The following PSD3 variants were observed in gnomAD, a reference collection of about 807,000 sequenced individuals.
PSD3 encodes the protein PH and SEC7 domain-containing protein 3.
Under a neutral mutation model 105.5 loss-of-function variants are expected in PSD3, and 49 were observed. The observed-to-expected ratio is 0.46, with a 90% confidence interval of 0.37 to 0.59. The LOEUF (loss-of-function observed/expected upper bound fraction) is 0.59. Among genes scored for constraint, PSD3 ranks in the 20% least tolerant of loss-of-function variants. PSD3 has a pLI of 0.00. For missense variants in PSD3, 1,561 were observed against 1,263.8 expected (o/e 1.24, Z -3.57); for synonymous variants, 557 against 457.8 (o/e 1.22, Z -2.77).
rs1263901552 is a variant in PSD3 at position 18,794,909 on chromosome 8, C to A, written c.2082+4386G>T. Among the ~76,000 whole-genome samples the A allele has an allele frequency of 2.8e-4, 4 of 14,400 alleles. 2 individuals are homozygous for A. The highest frequency in any genetic ancestry group is 1.7e-3 in the Non-Finnish European group (4 of 2,396). The allele number at this position is 14,400 out of a possible 152,430, so 9.4% of individuals were successfully genotyped here. ...CCCACAGGTGTGTAGGGGCAACCCA[C>A]CCCTACATGAAGCATTAAATTTTTA... is the stretch of plus-strand genomic sequence containing the variant. On this transcript the variant is annotated intron_variant, in intron 8 of 15. Transcript: ENST00000327040.
At chr8:18,901,038 T>C (rs1281556449) in intron 2 of PSD3, among the ~76,000 whole-genome samples, 1 of 152,218 alleles carries the variant, frequency 6.6e-6, no homozygotes, top group African/African-American at 2.4e-5. Flanking sequence ...TGGCACCATG[T>C]ACAGTCTGGT....
chr8:18,929,894 T>C (rs760624750), intron 2 of PSD3, among the ~76,000 whole-genome samples: 8 of 151,966 alleles, frequency 5.3e-5, no homozygotes, highest in Non-Finnish European at 7.4e-5. Context: ...GCAATGAAAA[T>C]TGAGTGACCA....
In PSD3 at chr8:18,692,625, T is replaced by A. The variant is rs923049356; in HGVS notation, c.2173-36940A>T. Reference sequence around the variant, plus strand: ...GGCTTTTTTAAAGATGATGAAAAGCTATCAAAGGGACTTTAAAAAGTAGTA... The same window carrying A: ...GGCTTTTTTAAAGATGATGAAAAGCAATCAAAGGGACTTTAAAAAGTAGTA... On this transcript the variant is annotated intron_variant, in intron 9 of 15. Coordinates refer to ENST00000327040, the MANE Select transcript of PSD3 (RefSeq NM_015310.4). Among the ~76,000 whole-genome samples the A allele has an allele frequency of 2.6e-5, 4 of 152,180 alleles. No individual in the cohort carries two copies. In the East Asian group the frequency reaches 5.8e-4, roughly 22 times the overall value.
intron 1 of PSD3, among the ~76,000 whole-genome samples, chr8:18,978,454 T>C (rs939583235): frequency 2.0e-5 from 3 of 152,182 alleles, no homozygotes; most frequent in African/African-American, 4.8e-5. Flanking sequence ...GGAAATCCTT[T>C]TGCTAAGATT....
At chr8:18,749,820 C>G (rs1455961246) in intron 9 of PSD3, among the ~76,000 whole-genome samples, 2 of 152,182 alleles carry the variant, frequency 1.3e-5, no homozygotes, top group Non-Finnish European at 2.9e-5. Context: ...CCGCTAGAAG[C>G]TGAGGAGGAC....
intron 10 of PSD3, among the ~76,000 whole-genome samples, chr8:18,643,198 A>G (rs182401951): frequency 1.4e-4 from 21 of 152,298 alleles, no homozygotes; most frequent in Middle Eastern, 3.4e-3. Context: ...CAAGGGCAAG[A>G]AAGTGTGAGA....
intron 9 of PSD3, among the ~76,000 whole-genome samples, chr8:18,656,407 T>C (rs1808897677): frequency 6.6e-6 from 1 of 151,568 alleles, no homozygotes; most frequent in Non-Finnish European, 1.5e-5. Context: ...TCATGGCAAA[T>C]TAAAGAGTAA....
intron 1 of PSD3, among the ~76,000 whole-genome samples, chr8:18,990,596 T>C (rs1825739414): frequency 1.3e-5 from 2 of 152,202 alleles, no homozygotes; most frequent in African/African-American, 4.8e-5. Flanking sequence ...TCCATGTGGT[T>C]TGGCTTAAAC....
intron 13 of PSD3, among the ~76,000 whole-genome samples, chr8:18,574,418 T>G (rs181293296): frequency 6.6e-5 from 10 of 152,320 alleles, no homozygotes; most frequent in African/African-American, 2.4e-4. Flanking sequence ...TTATGCCCAA[T>G]AGCTGTAATT....
intron 1 of PSD3, among the ~76,000 whole-genome samples, chr8:18,996,262 G>A (rs1826075217): frequency 6.6e-6 from 1 of 151,872 alleles, no homozygotes; most frequent in South Asian, 2.1e-4. Context: ...GGACGGTGGG[G>A]AATCTGTGCC....
At position 18,804,688 on chromosome 8, in the gene PSD3, A is replaced by C; in HGVS notation, c.1829+16T>G. On this transcript the variant is annotated intron_variant, in intron 5 of 15. Coordinates refer to ENST00000327040, the MANE Select transcript of PSD3 (RefSeq NM_015310.4). ...ACAGGAGAGAATTCAGACTCCAGCA[A>C]TGGGTCAGAACGTACTTCTTGCCAA... 6.2e-7 allele frequency: 1 copy of C among 1,612,908 alleles called. No individual in the cohort carries two copies. The highest frequency in any genetic ancestry group is 2.2e-5 in the East Asian group (1 of 44,872).
At chr8:18,926,848 G>A (rs750568189) in intron 2 of PSD3, among the ~76,000 whole-genome samples, 7 of 152,004 alleles carry the variant, frequency 4.6e-5, no homozygotes, top group Non-Finnish European at 7.4e-5. Context: ...ACAGGTTGAG[G>A]GCTTGGTCCC....
chr8:18,737,900 C>T (rs1335081732), intron 9 of PSD3, among the ~76,000 whole-genome samples: 7 of 152,178 alleles, frequency 4.6e-5, no homozygotes, highest in African/African-American at 1.7e-4. Context: ...TGCCCTTGCA[C>T]AGATCCTTAT....
intron 9 of PSD3, among the ~76,000 whole-genome samples, chr8:18,689,316 C>G (rs1188951458): frequency 6.6e-6 from 1 of 152,150 alleles, no homozygotes; most frequent in Non-Finnish European, 1.5e-5. Context: ...TATCAATGAA[C>G]TGAAAGGCTT....
chr8:18,560,596 G>T (rs145918548), intron 14 of PSD3, among the ~76,000 whole-genome samples: 237 of 152,100 alleles, frequency 1.6e-3, no homozygotes, highest in Non-Finnish European at 2.6e-3. Context: ...AAAAGTTGTT[G>T]TGGTTATATG....
At chr8:18,613,481 C>G (rs1201020023) in intron 11 of PSD3, among the ~76,000 whole-genome samples, 2 of 152,174 alleles carry the variant, frequency 1.3e-5, no homozygotes, top group Non-Finnish European at 2.9e-5. Flanking sequence ...ATAAATTCCA[C>G]TTGTCACCCT....
At chr8:18,648,972 G>A (rs941404428) in intron 10 of PSD3, among the ~76,000 whole-genome samples, 2 of 152,272 alleles carry the variant, frequency 1.3e-5, no homozygotes, top group South Asian at 2.1e-4. Context: ...AGATGTCAGA[G>A]AATGTATGGA....
chr8:19,061,097 G>A (rs1305442267), intron 1 of PSD3, among the ~76,000 whole-genome samples: 1 of 152,098 alleles, frequency 6.6e-6, no homozygotes, highest in African/African-American at 2.4e-5. Flanking sequence ...AGCAGCATCT[G>A]CTTGTGCCTC....
chr8:18,743,991 ACCAC>A (rs1804789081), intron 9 of PSD3, among the ~76,000 whole-genome samples: 1 of 141,344 alleles, frequency 7.1e-6, no homozygotes, highest in Admixed American at 7.0e-5. Context: ...CACCACCACC[ACCAC>A]CACCCAGAAG....
Sources: gnomAD v4.1 joint callset for allele counts (sites outside exome capture counted in the v4.1 genomes callset) on GRCh38, gnomAD v4.1.1 for gene constraint, MANE v1.5 for transcripts, NCBI Gene and HGNC (gene_info 2026-07-23, HGNC 2026-07-21) for gene names.